Variants in CASP10 observed in about 807,000 individuals in gnomAD.
CASP10 encodes caspase 10, also known as caspase-10.
In CASP10, 41 loss-of-function variants were observed where a neutral mutation model predicts 48.5. The observed-to-expected ratio is 0.85, with a 90% CI of 0.66 to 1.10. The LOEUF is 1.10. Among genes scored for constraint, CASP10 ranks in the 50% least tolerant of loss-of-function variants. The pLI is 0.00. For synonymous variants in CASP10, 232 were observed against 238.4 expected, an observed-to-expected ratio of 0.97 and a Z score of 0.25; for missense variants, 614 against 614.5, an observed-to-expected ratio of 1.00 and a Z score of 0.01.
downstream of CASP10, among the ~76,000 whole-genome samples, chr2:201,221,930 C>T (rs1945729556): frequency 1.3e-5 from 2 of 152,312 alleles, no homozygotes; most frequent in South Asian, 2.1e-4. Context: ...TTGGCTCATT[C>T]CTCCTCCGTA....
At chr2:201,225,673 A>C (rs1448193517), downstream of CASP10, among the ~76,000 whole-genome samples, 1 of 152,234 alleles carries the variant, frequency 6.6e-6, no homozygotes, top group Non-Finnish European at 1.5e-5. Context: ...AACAACATTT[A>C]AAAATTGAAG....
At chr2:201,195,972 AAT>A in intron 5 of CASP10, 24 bp downstream of exon 5, 1 of 1,510,056 alleles carries the variant, frequency 6.6e-7, no homozygotes, top group Middle Eastern at 1.7e-4. Context: ...TGTGCTGGTC[AAT>A]GCTTAACAAC....
chr2:201,203,511 TAGTC>T (rs1945096179), intron 5 of CASP10, among the ~76,000 whole-genome samples: 1 of 152,180 alleles, frequency 6.6e-6, no homozygotes, highest in South Asian at 2.1e-4. Context: ...TTCACCATGT[TAGTC>T]AGGCTGGTCT....
intron 9 of CASP10, chr2:201,214,139 C>T (rs1242223461): frequency 6.6e-6 from 1 of 152,048 alleles, no homozygotes; most frequent in Non-Finnish European, 1.5e-5. Context: ...TTATCATGCT[C>T]AGTGAGCCTA....
intron 5 of CASP10, chr2:201,200,499 G>A: frequency 1.3e-6 from 2 of 1,598,328 alleles, no homozygotes; most frequent in East Asian, 2.2e-5. Flanking sequence ...CAGATGACCT[G>A]TAGCTCCTGG....
chr2:201,220,093 AC>A lies in CASP10; in HGVS notation c.*2353del. ...TTGTTATAAGAATATTCACAAGAACACTGTTCTGATATCTCTGATTGTCATG... is the reference window on the plus strand; with the variant it reads ...TTGTTATAAGAATATTCACAAGAACATGTTCTGATATCTCTGATTGTCATG... On this transcript the variant is annotated 3_prime_UTR_variant, in exon 10 of 10. Transcript: ENST00000286186. The A allele has an allele frequency of 1.0e-6, 1 of 985,384 alleles. No individual in the cohort carries two copies. Among genetic ancestry groups the A allele is most frequent in the Non-Finnish European group, 1.2e-6 (1 of 829,868 alleles). The allele number at this position is 985,384 out of a possible 1,614,324, so 61.0% of individuals were successfully genotyped here.
chr2:201,185,239 A>G (rs1238340675), intron 1 of CASP10, among the ~76,000 whole-genome samples: 11 of 152,078 alleles, frequency 7.2e-5, no homozygotes, highest in African/African-American at 2.7e-4. Flanking sequence ...CCCTTTCTGT[A>G]AGATAAAGGC....
downstream of CASP10, chr2:201,221,724 T>C (rs1945725532): frequency 6.6e-6 from 1 of 152,186 alleles, no homozygotes; most frequent in Non-Finnish European, 1.5e-5. Context: ...CAGGAGCATT[T>C]GGGGTTTGAT....
At chr2:201,223,242 G>C (rs574444393), downstream of CASP10, among the ~76,000 whole-genome samples, 52 of 152,320 alleles carry the variant, frequency 3.4e-4, 1 homozygote, top group South Asian at 8.3e-3. Context: ...TCAGGTGCCA[G>C]TGGTTAATCT....
Position 201,220,276 on chromosome 2 carries a change from A to G in CASP10, c.*2535A>G. 2.4e-6 allele frequency: 1 copy of G among 417,302 alleles called. No individual in the cohort carries two copies. 25.8% of individuals were successfully genotyped at this position (417,302 alleles called of 1,614,324 possible). A position where few individuals can be genotyped will look rare whatever the true frequency, so the allele number is the denominator to read the frequency against. On this transcript the variant is annotated 3_prime_UTR_variant, in exon 10 of 10. Transcript: ENST00000286186. ...ACTTCTTTTCTAACAGCGAGCAGCCAGAAAGAGAAGAGAGTAAAATACAGA... is the reference window on the plus strand; with the variant it reads ...ACTTCTTTTCTAACAGCGAGCAGCCGGAAAGAGAAGAGAGTAAAATACAGA...
chr2:201,219,661 G>C lies in CASP10; in HGVS notation c.*1920G>C, dbSNP rs11885191. The stretch of plus-strand genomic sequence containing the variant: ...GGGAGTGGCTCTGTAAGGACGCCTT[G>C]ATGCTTTCTTCATTAAGATTTTGAG... On this transcript the variant is annotated 3_prime_UTR_variant, in exon 10 of 10. Transcript: ENST00000286186. The C allele has an allele frequency of 0.013, 13,189 of 982,876 alleles. 1,336 individuals are homozygous for C. The African/African-American group carries it at 0.21, about 16-fold the overall frequency. The allele number at this position is 982,876 out of a possible 1,614,324, so 60.9% of individuals were successfully genotyped here.
downstream of CASP10, among the ~76,000 whole-genome samples, chr2:201,222,912 C>T: frequency 6.6e-6 from 1 of 152,200 alleles, no homozygotes; most frequent in East Asian, 1.9e-4. Flanking sequence ...ACATGATTCA[C>T]AGAACCTTCC....
At chr2:201,183,951 A>C (rs993319882) in intron 1 of CASP10, among the ~76,000 whole-genome samples, 6 of 151,988 alleles carry the variant, frequency 3.9e-5, no homozygotes, top group Non-Finnish European at 7.4e-5. Context: ...GCTGGAGTGC[A>C]GTGGCACAAT....
At chr2:201,185,744 C>T (rs764280980) in intron 1 of CASP10, 27 bp from the exon 2 acceptor site, 2 of 1,488,150 alleles carry the variant, frequency 1.3e-6, no homozygotes, top group African/African-American at 1.4e-5. Context: ...TCTCTAACTC[C>T]CTGCCCCACC....
chr2:201,223,708 G>A (rs1576155800), downstream of CASP10, among the ~76,000 whole-genome samples: 1 of 152,216 alleles, frequency 6.6e-6, no homozygotes, highest in East Asian at 1.9e-4. Context: ...TTTGTTGGAA[G>A]TCTGCAGTTT....
Position 201,219,127 on chromosome 2 carries a change from A to G in CASP10, c.*1386A>G, listed in dbSNP as rs1036830011. ...ATTACTAAAAACACAAAAATTAGCC[A>G]GGTGTGGCGGCGAGCACCTGTAATC... On this transcript the variant is annotated 3_prime_UTR_variant, in exon 10 of 10. Coordinates refer to ENST00000286186, the MANE Select transcript of CASP10 (RefSeq NM_032977.4). 5 of 344,190 alleles carry G rather than the reference A, an allele frequency of 1.5e-5. No homozygotes were observed. Among genetic ancestry groups the G allele is most frequent in the African/African-American group, 1.1e-4 (5 of 44,996 alleles). 21.3% of individuals were successfully genotyped at this position (344,190 alleles called of 1,614,324 possible). A position where few individuals can be genotyped will look rare whatever the true frequency, so the allele number is the denominator to read the frequency against.
chr2:201,208,066 T>C lies in CASP10; in HGVS notation c.814-9T>C, dbSNP rs2126045790. Reference sequence around the variant, plus strand: ...GATTCCTACTAAGTGGCTCTATCTATTCTTCAAGAGGGCAGCTGTGTACAG... The same window carrying C: ...GATTCCTACTAAGTGGCTCTATCTACTCTTCAAGAGGGCAGCTGTGTACAG... On this transcript the variant is annotated splice_polypyrimidine_tract_variant and intron_variant, in intron 7 of 9. Coordinates refer to ENST00000286186, the MANE Select transcript of CASP10 (RefSeq NM_032977.4). 1 of 1,606,128 alleles carries C rather than the reference T, an allele frequency of 6.2e-7. No homozygotes were observed. Among genetic ancestry groups the C allele is most frequent in the Non-Finnish European group, 8.5e-7 (1 of 1,172,818 alleles).
intron 3 of CASP10, among the ~76,000 whole-genome samples, chr2:201,192,774 A>G (rs917287572): frequency 6.6e-6 from 1 of 152,186 alleles, no homozygotes; most frequent in African/African-American, 2.4e-5. Context: ...ATAGAGTTAT[A>G]TATATATTTG....
intron 9 of CASP10, chr2:201,228,850 C>T (rs1576159603): frequency 1.6e-6 from 2 of 1,258,002 alleles, no homozygotes; most frequent in Non-Finnish European, 1.1e-6. Context: ...AAAAGCTATG[C>T]CGGGGTCCAG....
Sources: gnomAD v4.1 joint callset for allele counts (sites outside exome capture counted in the v4.1 genomes callset) on GRCh38, gnomAD v4.1.1 for gene constraint, MANE v1.5 for transcripts, NCBI Gene and HGNC (gene_info 2026-07-23, HGNC 2026-07-21) for gene names.